The following PTPRD variants were observed in gnomAD, a reference collection of about 807,000 sequenced individuals.
PTPRD encodes receptor-type tyrosine-protein phosphatase delta.
PTPRD carries 34 observed loss-of-function variants against 214.5 expected under a neutral mutation model. The observed-to-expected ratio is 0.16, with a 90% CI of 0.12 to 0.21. The LOEUF is 0.21. Ranked by LOEUF, PTPRD falls within the 10% of genes least tolerant of loss-of-function variation. The probability of loss-of-function intolerance (pLI) is 1.00; values close to 1 mark genes in which losing one functional copy is unlikely to be tolerated. For synonymous variants in PTPRD, 1,128 were observed against 845.7 expected (o/e 1.33, Z -5.79); for missense variants, 2,545 against 2,398.7 (o/e 1.06, Z -1.27).
chr9:8,592,153 T>G (rs190015288), intron 14 of PTPRD, among the ~76,000 whole-genome samples: 101 of 152,320 alleles, frequency 6.6e-4, no homozygotes, highest in African/African-American at 2.4e-3. Context: ...ACAATACACT[T>G]AATCAGACAG....
chr9:8,751,104 A>G (rs1251564200), intron 11 of PTPRD, among the ~76,000 whole-genome samples: 1 of 152,154 alleles, frequency 6.6e-6, no homozygotes, highest in African/African-American at 2.4e-5. Flanking sequence ...TCAGAAAACA[A>G]TCAGAAATAA....
chr9:9,609,586 C>G (rs2094403347), intron 7 of PTPRD, among the ~76,000 whole-genome samples: 1 of 152,140 alleles, frequency 6.6e-6, no homozygotes, highest in South Asian at 2.1e-4. Flanking sequence ...CCTCAGCCTC[C>G]CGAGTAGCTG....
At chr9:10,059,604 T>C (rs950389533) in intron 3 of PTPRD, among the ~76,000 whole-genome samples, 6 of 152,096 alleles carry the variant, frequency 3.9e-5, no homozygotes, top group African/African-American at 1.4e-4. Context: ...TTTGAACAGA[T>C]TGTAAAACTC....
chr9:8,890,290 C>T (rs546727271), intron 11 of PTPRD, among the ~76,000 whole-genome samples: 6 of 152,198 alleles, frequency 3.9e-5, no homozygotes, highest in Non-Finnish European at 8.8e-5. Context: ...TACCTAGATA[C>T]ATCAGGAAAC....
At chr9:10,326,615 T>C (rs1427082030) in intron 3 of PTPRD, among the ~76,000 whole-genome samples, 3 of 151,664 alleles carry the variant, frequency 2.0e-5, no homozygotes, top group East Asian at 1.9e-4. Context: ...ATATTAATTA[T>C]GAAAATAATA....
chr9:10,372,100 G>C (rs1293529526), intron 2 of PTPRD, among the ~76,000 whole-genome samples: 2 of 152,006 alleles, frequency 1.3e-5, no homozygotes, highest in Non-Finnish European at 2.9e-5. Flanking sequence ...AGCAAGTGCT[G>C]AAAATAGAAA....
At chr9:9,130,904 G>A (rs1015494988) in intron 10 of PTPRD, among the ~76,000 whole-genome samples, 25 of 152,224 alleles carry the variant, frequency 1.6e-4, no homozygotes, top group African/African-American at 5.5e-4. Context: ...TTTAAAAGCC[G>A]TTGTTTTTAA....
At chr9:9,179,783 T>A (rs916393876) in intron 10 of PTPRD, among the ~76,000 whole-genome samples, 2 of 151,946 alleles carry the variant, frequency 1.3e-5, no homozygotes, top group African/African-American at 4.8e-5. Context: ...ATGAATGAGG[T>A]CTCTGAAGTT....
chr9:8,434,525 T>C (rs1417157960), intron 35 of PTPRD, among the ~76,000 whole-genome samples: 4 of 152,224 alleles, frequency 2.6e-5, no homozygotes, highest in Non-Finnish European at 5.9e-5. Flanking sequence ...TGCATGACTA[T>C]ATTATTGCCC....
At chr9:10,342,018 C>G (rs548173334) in intron 2 of PTPRD, among the ~76,000 whole-genome samples, 3 of 152,018 alleles carry the variant, frequency 2.0e-5, no homozygotes, top group Admixed American at 6.6e-5. Flanking sequence ...TAAGTGTATG[C>G]TAGGATCAAT....
chr9:10,321,500 G>C (rs1015049062), intron 3 of PTPRD, among the ~76,000 whole-genome samples: 1 of 152,018 alleles, frequency 6.6e-6, no homozygotes, highest in South Asian at 2.1e-4. Flanking sequence ...AACAAGATTA[G>C]GTTGGAAAAA....
chr9:10,337,790 G>A (rs922304505), intron 3 of PTPRD, among the ~76,000 whole-genome samples: 41 of 151,560 alleles, frequency 2.7e-4, no homozygotes, highest in African/African-American at 9.4e-4. Context: ...AGAAACATTT[G>A]AAAACTTCTT....
At position 8,503,758 on chromosome 9, in the gene PTPRD, G is replaced by C. The variant is rs199875305; in HGVS notation, c.1822+503C>G. On this transcript the variant is annotated intron_variant, in intron 23 of 45. Coordinates refer to ENST00000381196, the MANE Select transcript of PTPRD (RefSeq NM_002839.4). ...AATTTCCACAGGTACTACACACAGA[G>C]TTAATAAGAAACAAGTCATCAGAGC... 2.0e-5 allele frequency among the ~76,000 whole-genome samples: 3 copies of C among 152,280 alleles called. No homozygotes were observed. The East Asian group carries it at 5.8e-4, about 29-fold the overall frequency.
intron 35 of PTPRD, 148 bp from the exon 36 acceptor site, chr9:8,404,808 T>C: frequency 1.0e-6 from 1 of 967,092 alleles, no homozygotes; most frequent in Non-Finnish European, 1.4e-6. Flanking sequence ...AGCTGAACAC[T>C]AATGTAACCA....
At chr9:9,299,986 G>T (rs552599765) in intron 9 of PTPRD, among the ~76,000 whole-genome samples, 5 of 143,896 alleles carry the variant, frequency 3.5e-5, no homozygotes, top group Admixed American at 7.0e-5. Context: ...CTCGTATGCT[G>T]TTCAAATTGT....
intron 9 of PTPRD, among the ~76,000 whole-genome samples, chr9:9,350,607 C>T (rs536302355): frequency 1.3e-5 from 2 of 152,098 alleles, no homozygotes; most frequent in African/African-American, 4.8e-5. Flanking sequence ...TCATAAATAT[C>T]TTTGGTGATG....
At chr9:9,426,308 T>C (rs1440455609) in intron 8 of PTPRD, among the ~76,000 whole-genome samples, 1 of 152,170 alleles carries the variant, frequency 6.6e-6, no homozygotes, top group Non-Finnish European at 1.5e-5. Flanking sequence ...CCCTGCTCAG[T>C]GCTAGCACAG....
chr9:9,117,938 T>C (rs922972369), intron 10 of PTPRD, among the ~76,000 whole-genome samples: 7 of 152,122 alleles, frequency 4.6e-5, no homozygotes, highest in African/African-American at 1.4e-4. Context: ...TTACACGATG[T>C]TGATGCTGTT....
intron 2 of PTPRD, among the ~76,000 whole-genome samples, chr9:10,552,705 T>C (rs2131171435): frequency 6.6e-6 from 1 of 152,272 alleles, no homozygotes; most frequent in South Asian, 2.1e-4. Flanking sequence ...GCAGGAGATT[T>C]CTATTTCCTT....
Sources: allele counts gnomAD v4.1 joint callset (sites outside exome capture counted in the v4.1 genomes callset), GRCh38; gene constraint gnomAD v4.1.1; transcripts MANE v1.5; gene names NCBI Gene and HGNC (gene_info 2026-07-23, HGNC 2026-07-21).